Variants in TENM3 observed in about 807,000 individuals in gnomAD.
TENM3 encodes teneurin-3.
TENM3 carries 63 observed loss-of-function variants against 255.1 expected under a neutral mutation model. That is an observed-to-expected ratio of 0.25 (90% CI 0.20 to 0.30). The LOEUF (loss-of-function observed/expected upper bound fraction) is 0.30, where lower values mean the gene tolerates loss of function less well. Ranked by LOEUF, TENM3 falls within the 10% of genes least tolerant of loss-of-function variation. The probability of loss-of-function intolerance (pLI) is 1.00; values close to 1 mark genes in which losing one functional copy is unlikely to be tolerated. For missense variants in TENM3, 2,929 were observed against 3,461.1 expected, an observed-to-expected ratio of 0.85 and a Z score of 3.86; for synonymous variants, 1,306 against 1,322.3, an observed-to-expected ratio of 0.99 and a Z score of 0.27.
At chr4:182,739,545 TTGG>T (rs1364185795) in intron 18 of TENM3, among the ~76,000 whole-genome samples, 2 of 152,222 alleles carry the variant, frequency 1.3e-5, no homozygotes, top group Admixed American at 1.3e-4. Context: ...GCAGAGGTTT[TTGG>T]AAGGTTCAGA....
the TENM3 span, among the ~76,000 whole-genome samples, chr4:181,721,514 G>C: frequency 1.1e-5 from 1 of 93,394 alleles, no homozygotes. Flanking sequence ...GCAGGAGAAT[G>C]GCGTGAACCC....
the TENM3 span, among the ~76,000 whole-genome samples, chr4:181,984,033 A>G: frequency 6.6e-6 from 1 of 152,044 alleles, no homozygotes; most frequent in African/African-American, 2.4e-5. Flanking sequence ...TTAGTGATGG[A>G]ATAATGCTCC....
chr4:181,591,303 G>T, the TENM3 span, among the ~76,000 whole-genome samples: 1 of 152,188 alleles, frequency 6.6e-6, no homozygotes, highest in Non-Finnish European at 1.5e-5. Flanking sequence ...GTGCACTTTG[G>T]AAGATAGTTT....
At chr4:182,042,900 TGTG>T in the TENM3 span, among the ~76,000 whole-genome samples, 1 of 151,768 alleles carries the variant, frequency 6.6e-6, no homozygotes, top group Non-Finnish European at 1.5e-5. Flanking sequence ...TGTGTGTGTG[TGTG>T]TGTGTATGAA....
the TENM3 span, among the ~76,000 whole-genome samples, chr4:182,110,429 A>T: frequency 3.3e-5 from 5 of 151,812 alleles, no homozygotes; most frequent in African/African-American, 1.2e-4. Context: ...GGCTCAAGTG[A>T]TCCTCCCTCC....
At chr4:181,659,166 A>G in the TENM3 span, among the ~76,000 whole-genome samples, 5 of 152,332 alleles carry the variant, frequency 3.3e-5, no homozygotes, top group African/African-American at 1.2e-4. Flanking sequence ...ATTATTGCAA[A>G]ATATAGTAAT....
chr4:182,380,257 G>A (rs1377834228), intron 3 of TENM3, among the ~76,000 whole-genome samples: 1 of 150,698 alleles, frequency 6.6e-6, no homozygotes, highest in Non-Finnish European at 1.5e-5. Context: ...GGCAACGAGA[G>A]TGAAACTCCA....
the TENM3 span, among the ~76,000 whole-genome samples, chr4:182,005,438 T>G: frequency 6.6e-6 from 1 of 152,224 alleles, no homozygotes. Flanking sequence ...ATGTCTGTTT[T>G]GGTACCAGTA....
chr4:181,843,993 C>T, the TENM3 span, among the ~76,000 whole-genome samples: 1 of 152,194 alleles, frequency 6.6e-6, no homozygotes, highest in Admixed American at 6.5e-5. Context: ...GCTGGGATTA[C>T]AGACATGAGC....
chr4:181,903,257 T>C, the TENM3 span, among the ~76,000 whole-genome samples: 8 of 152,194 alleles, frequency 5.3e-5, no homozygotes, highest in East Asian at 3.9e-4. Flanking sequence ...TGTATATATA[T>C]TTGCTATGAT....
intron 3 of TENM3, among the ~76,000 whole-genome samples, chr4:182,584,661 A>G (rs2152370153): frequency 6.6e-6 from 1 of 152,076 alleles, no homozygotes; most frequent in South Asian, 2.1e-4. Flanking sequence ...TTTTTTTGAG[A>G]CGGAGTATTA....
chr4:181,980,772 ATTCCT>A, the TENM3 span, among the ~76,000 whole-genome samples: 1 of 152,166 alleles, frequency 6.6e-6, no homozygotes, highest in Non-Finnish European at 1.5e-5. Flanking sequence ...AGATCTGGTA[ATTCCT>A]TTACTGTTAT....
chr4:182,451,635 C>T (rs904397062), intron 3 of TENM3, among the ~76,000 whole-genome samples: 17 of 152,138 alleles, frequency 1.1e-4, no homozygotes, highest in Non-Finnish European at 1.9e-4. Flanking sequence ...CTTAAAAGGG[C>T]CACCAGAACA....
chr4:181,825,452 T>C, the TENM3 span, among the ~76,000 whole-genome samples: 1 of 151,858 alleles, frequency 6.6e-6, no homozygotes, highest in African/African-American at 2.4e-5. Context: ...ATTAATATTT[T>C]TTCTCTAAAA....
intron 3 of TENM3, among the ~76,000 whole-genome samples, chr4:182,532,159 T>C (rs1739841568): frequency 6.6e-6 from 1 of 152,218 alleles, no homozygotes; most frequent in Admixed American, 6.5e-5. Flanking sequence ...AATTTTTGTC[T>C]GTATGTATTG....
chr4:182,356,835 T>G (rs1257896430), intron 3 of TENM3, among the ~76,000 whole-genome samples: 8 of 151,218 alleles, frequency 5.3e-5, no homozygotes, highest in African/African-American at 1.9e-4. Context: ...TCATCTAGCA[T>G]TAGGTATATC....
chr4:181,691,046 G>C, the TENM3 span, among the ~76,000 whole-genome samples: 1 of 152,018 alleles, frequency 6.6e-6, no homozygotes, highest in South Asian at 2.1e-4. Flanking sequence ...GCTATTTTAG[G>C]CTTCCAAGGA....
In TENM3 at chr4:182,773,555, T is replaced by C; in HGVS notation, c.4976T>C (p.Ile1659Thr). 1 of 1,613,952 alleles carries C rather than the reference T, an allele frequency of 6.2e-7. No homozygotes were observed. The highest frequency in any genetic ancestry group is 1.7e-5 in the Admixed American group (1 of 60,012). Residue 1659 changes from isoleucine to threonine, a missense_variant, in exon 23 of 28, where the codon ATC becomes ACC. By Grantham distance (89) the Ile-to-Thr change is moderately conservative. Around this residue, in one of 6 missense-constraint regions of TENM3, gnomAD observed 1,608 missense variants for 1,884.4 expected, o/e 0.85. Transcript: ENST00000511685. Reference sequence around the variant, plus strand: ...CTGCATGGGGACATGGACAAGGCTATCACAGTGGACATTGAGTCATCTAGC... The same window carrying C: ...CTGCATGGGGACATGGACAAGGCTACCACAGTGGACATTGAGTCATCTAGC... ...TNLHGDMDKAITVDIESSSRE... is the reference protein window; with the variant it reads ...TNLHGDMDKATTVDIESSSRE...
At chr4:181,549,660 C>T in the TENM3 span, among the ~76,000 whole-genome samples, 1 of 152,162 alleles carries the variant, frequency 6.6e-6, no homozygotes, top group Admixed American at 6.5e-5. Flanking sequence ...TAGGTAATGG[C>T]CTGACTTATT....
Sources: allele counts gnomAD v4.1 joint callset (sites outside exome capture counted in the v4.1 genomes callset), GRCh38; gene constraint gnomAD v4.1.1; regional missense constraint gnomAD v4.1.1; transcripts MANE v1.5; gene names NCBI Gene and HGNC (gene_info 2026-07-23, HGNC 2026-07-21).